The following ENTREP2 variants were observed in gnomAD, a reference collection of about 807,000 sequenced individuals.
The protein encoded by ENTREP2 is endosomal transmembrane epsin interactor 2.
chr15:29,133,036 T>C, the ENTREP2 span, among the ~76,000 whole-genome samples: 1 of 152,096 alleles, frequency 6.6e-6, no homozygotes, highest in African/African-American at 2.4e-5. Context: ...GGTTTCCGGG[T>C]CCATCTGCCG....
chr15:29,137,848 A>G, the ENTREP2 span, among the ~76,000 whole-genome samples: 6 of 151,980 alleles, frequency 3.9e-5, no homozygotes, highest in Admixed American at 1.3e-4. Flanking sequence ...CTCTGTCTGA[A>G]AAAACAAACA....
At chr15:29,377,824 A>AATAATAATAATAATC in the ENTREP2 span, among the ~76,000 whole-genome samples, 1 of 7,736 alleles carries the variant, frequency 1.3e-4, no homozygotes, top group Non-Finnish European at 6.0e-4. Flanking sequence ...CTGTCTCAAA[A>AATAATAATAATAATC]ATAATAATAA....
At chr15:29,659,396 G>A in the ENTREP2 span, among the ~76,000 whole-genome samples, 1 of 152,106 alleles carries the variant, frequency 6.6e-6, no homozygotes, top group African/African-American at 2.4e-5. Context: ...GCTTGAATCC[G>A]GGAAGCGGAG....
At chr15:29,485,981 C>T in the ENTREP2 span, among the ~76,000 whole-genome samples, 13 of 152,166 alleles carry the variant, frequency 8.5e-5, no homozygotes, top group Non-Finnish European at 1.5e-4. Flanking sequence ...AACAGAACTA[C>T]CATATGATCC....
the ENTREP2 span, among the ~76,000 whole-genome samples, chr15:29,514,004 G>T: frequency 6.6e-6 from 1 of 152,186 alleles, no homozygotes; most frequent in Non-Finnish European, 1.5e-5. Context: ...TGAGTGCTCC[G>T]GGGGAAAAAC....
the ENTREP2 span, among the ~76,000 whole-genome samples, chr15:29,224,008 T>G: frequency 6.6e-6 from 1 of 152,312 alleles, no homozygotes; most frequent in African/African-American, 2.4e-5. Context: ...ATTGATGGGT[T>G]CTTGGTCGCA....
the ENTREP2 span, among the ~76,000 whole-genome samples, chr15:29,182,327 G>A: frequency 2.0e-5 from 3 of 151,756 alleles, no homozygotes; most frequent in Non-Finnish European, 4.4e-5. Flanking sequence ...GGGTTTCACC[G>A]TGTTAGCCAG....
the ENTREP2 span, among the ~76,000 whole-genome samples, chr15:29,157,404 T>G: frequency 2.6e-5 from 4 of 152,350 alleles, no homozygotes; most frequent in East Asian, 7.7e-4. Flanking sequence ...GGCATTTCTT[T>G]GATGAAATTA....
the ENTREP2 span, among the ~76,000 whole-genome samples, chr15:29,150,083 AC>A: frequency 6.6e-6 from 1 of 152,202 alleles, no homozygotes. Flanking sequence ...TATTCCCTAC[AC>A]ATTTCAAATC....
chr15:29,235,068 G>C, the ENTREP2 span: 14 of 1,107,646 alleles, frequency 1.3e-5, no homozygotes, highest in Admixed American at 1.9e-4. Context: ...AGCCAGGACA[G>C]GTCCTCCAGC....
At chr15:29,590,483 G>GACCA in the ENTREP2 span, among the ~76,000 whole-genome samples, 1 of 151,932 alleles carries the variant, frequency 6.6e-6, no homozygotes, top group African/African-American at 2.4e-5. Context: ...AGGAGTTCGA[G>GACCA]ACCAGCCTGA....
chr15:29,232,664 A>AT, the ENTREP2 span, among the ~76,000 whole-genome samples: 1 of 150,064 alleles, frequency 6.7e-6, no homozygotes, highest in African/African-American at 2.5e-5. Flanking sequence ...GCCTAATTAA[A>AT]TTGTTTGTTT....
chr15:29,626,750 G>A, the ENTREP2 span, among the ~76,000 whole-genome samples: 7 of 152,146 alleles, frequency 4.6e-5, no homozygotes, highest in East Asian at 5.8e-4. Context: ...CAAGAAAAAC[G>A]TGAGCTTTCA....
chr15:29,432,297 G>A, the ENTREP2 span, among the ~76,000 whole-genome samples: 1 of 152,048 alleles, frequency 6.6e-6, no homozygotes, highest in Non-Finnish European at 1.5e-5. Context: ...CAGACACCAG[G>A]CTCAGACTCC....
At chr15:29,283,922 C>G in the ENTREP2 span, among the ~76,000 whole-genome samples, 2 of 152,094 alleles carry the variant, frequency 1.3e-5, no homozygotes, top group Admixed American at 1.3e-4. Flanking sequence ...ACGGTCCCCA[C>G]TAAAAACCAA....
At chr15:29,345,807 C>T in the ENTREP2 span, among the ~76,000 whole-genome samples, 1 of 152,078 alleles carries the variant, frequency 6.6e-6, no homozygotes, top group Non-Finnish European at 1.5e-5. Flanking sequence ...ACTTGAGGCC[C>T]CTCCTATCAC....
the ENTREP2 span, among the ~76,000 whole-genome samples, chr15:29,559,449 C>CA: frequency 6.6e-6 from 1 of 152,150 alleles, no homozygotes; most frequent in African/African-American, 2.4e-5. Context: ...GCTGCTGTAA[C>CA]AAATTGCCAC....
the ENTREP2 span, among the ~76,000 whole-genome samples, chr15:29,673,380 G>A: frequency 6.6e-6 from 1 of 152,116 alleles, no homozygotes; most frequent in South Asian, 2.1e-4. Flanking sequence ...ATTTCACCCA[G>A]CCCCTACTCA....
At chr15:29,199,409 G>A in the ENTREP2 span, among the ~76,000 whole-genome samples, 1 of 152,154 alleles carries the variant, frequency 6.6e-6, no homozygotes, top group African/African-American at 2.4e-5. Context: ...GTCCTAGCAT[G>A]GTAAATATAT....
Sources: allele counts gnomAD v4.1 joint callset (sites outside exome capture counted in the v4.1 genomes callset), GRCh38; gene constraint gnomAD v4.1.1; transcripts MANE v1.5; gene names NCBI Gene and HGNC (gene_info 2026-07-23, HGNC 2026-07-21).